FHIT: variants seen among roughly 807,000 people sequenced by gnomAD.
FHIT encodes the protein fragile histidine triad diadenosine triphosphatase.
Under a neutral mutation model 17.9 loss-of-function variants are expected in FHIT, and 19 were observed. The observed-to-expected ratio is 1.06, with a 90% CI of 0.74 to 1.56. The LOEUF is 1.56. FHIT is among the 40% of genes most tolerant of loss of function. The pLI is 0.00. For synonymous variants in FHIT, 81 were observed against 69.7 expected, an observed-to-expected ratio of 1.16 and a Z score of -0.81; for missense variants, 248 against 189.2, an observed-to-expected ratio of 1.31 and a Z score of -1.82.
rs1206554192 is a variant in FHIT at position 59,749,396 on chromosome 3, G to GTCTAGGTATT, written c.*179_*188dup. On this transcript the variant is annotated 3_prime_UTR_variant, in exon 10 of 10. Coordinates refer to ENST00000492590, the MANE Select transcript of FHIT (RefSeq NM_002012.4). Reference sequence around the variant, plus strand: ...AAATCTGCCTGTCTGAGCCGTTTAGGTCTAGGTATTTTAAGGGAGTTGGAG... The same window carrying GTCTAGGTATT: ...AAATCTGCCTGTCTGAGCCGTTTAGGTCTAGGTATTTCTAGGTATTTTAAGGGAGTTGGAG... The GTCTAGGTATT allele has an allele frequency of 8.6e-6, 2 of 231,580 alleles. No individual in the cohort carries two copies. The highest frequency in any genetic ancestry group is 1.7e-5 in the Non-Finnish European group (2 of 117,200). 14.3% of individuals were successfully genotyped at this position (231,580 alleles called of 1,614,324 possible).
chr3:61,082,895 C>A (rs952152817), intron 2 of FHIT, among the ~76,000 whole-genome samples: 8 of 152,166 alleles, frequency 5.3e-5, no homozygotes, highest in Admixed American at 3.3e-4. Context: ...AAGTACTAAT[C>A]AGGCCCATCC....
chr3:60,535,616 A>C (rs2035953739), intron 5 of FHIT, among the ~76,000 whole-genome samples: 1 of 151,972 alleles, frequency 6.6e-6, no homozygotes, highest in Non-Finnish European at 1.5e-5. Context: ...AGAAGAAAAT[A>C]GTTTTCTAAT....
intron 5 of FHIT, among the ~76,000 whole-genome samples, chr3:60,184,815 T>C (rs1275793547): frequency 6.6e-6 from 1 of 152,196 alleles, no homozygotes; most frequent in East Asian, 1.9e-4. Flanking sequence ...TATTCAATCA[T>C]TTATTTCCAT....
rs553397194 is a variant in FHIT, at chr3:60,486,017, G to C, written c.103+50843C>G. 3.3e-5 allele frequency among the ~76,000 whole-genome samples: 5 copies of C among 152,160 alleles called. No homozygotes were observed. In the South Asian group the frequency reaches 1.0e-3, roughly 32 times the overall value. On this transcript the variant is annotated intron_variant, in intron 5 of 9. Coordinates refer to ENST00000492590, the MANE Select transcript of FHIT (RefSeq NM_002012.4). ...ATAGTCATTTGTCTAAGACTATATT[G>C]ATCAGCATGAAGTGGCACATTATAG...
At chr3:60,348,387 AT>A (rs1000743755) in intron 5 of FHIT, among the ~76,000 whole-genome samples, 38 of 148,294 alleles carry the variant, frequency 2.6e-4, no homozygotes, top group African/African-American at 8.4e-4. Flanking sequence ...GCAGTGTCAA[AT>A]TTTTTTTAAC....
chr3:60,184,166 G>A (rs2107449585), intron 5 of FHIT, among the ~76,000 whole-genome samples: 1 of 151,652 alleles, frequency 6.6e-6, no homozygotes, highest in Admixed American at 6.6e-5. Flanking sequence ...TTATTTTTTG[G>A]TAGAGACCAA....
At chr3:61,143,849 G>A (rs181252991) in intron 2 of FHIT, among the ~76,000 whole-genome samples, 204 of 152,262 alleles carry the variant, frequency 1.3e-3, no homozygotes, top group Non-Finnish European at 2.5e-3. Context: ...TTGGGTGACA[G>A]AGCAAGACTC....
chr3:60,920,048 A>G (rs1056792164), intron 3 of FHIT, among the ~76,000 whole-genome samples: 4 of 152,060 alleles, frequency 2.6e-5, no homozygotes, highest in African/African-American at 9.7e-5. Flanking sequence ...AAAAAAAAAA[A>G]GAGTGCATAT....
At chr3:60,677,001 A>G (rs1042448489) in intron 4 of FHIT, among the ~76,000 whole-genome samples, 9 of 152,140 alleles carry the variant, frequency 5.9e-5, no homozygotes, top group East Asian at 1.9e-4. Context: ...GAGCCTCCAT[A>G]GTAGCTGGGA....
chr3:59,949,984 A>G (rs1165931921), intron 7 of FHIT, among the ~76,000 whole-genome samples: 1 of 152,210 alleles, frequency 6.6e-6, no homozygotes, highest in Non-Finnish European at 1.5e-5. Context: ...ATCTCTAATG[A>G]GGACCAGGCC....
At chr3:60,009,098 CA>C (rs1266654042) in intron 7 of FHIT, among the ~76,000 whole-genome samples, 1 of 150,044 alleles carries the variant, frequency 6.7e-6, no homozygotes, top group African/African-American at 2.5e-5. Context: ...GCAGATTCAA[CA>C]ACTTTAGATA....
chr3:60,793,277 G>A (rs921137347), intron 4 of FHIT, among the ~76,000 whole-genome samples: 1 of 151,974 alleles, frequency 6.6e-6, no homozygotes, highest in East Asian at 1.9e-4. Context: ...ATGCTGAGAA[G>A]ACCATGAACA....
intron 4 of FHIT, among the ~76,000 whole-genome samples, chr3:60,735,832 T>C (rs1382381539): frequency 6.6e-6 from 1 of 152,222 alleles, no homozygotes; most frequent in Non-Finnish European, 1.5e-5. Context: ...AAATCACTTA[T>C]AGCTTATTTT....
chr3:60,955,618 A>ACATATATATATATACATG (rs1559862381), intron 3 of FHIT, among the ~76,000 whole-genome samples: 275 of 14,506 alleles, frequency 0.019, 17 homozygotes, highest in Non-Finnish European at 0.045. Flanking sequence ...ATATATATAT[A>ACATATATATATATACATG]TATATATATA....
At chr3:60,381,581 A>T (rs1470420037) in intron 5 of FHIT, among the ~76,000 whole-genome samples, 1 of 152,212 alleles carries the variant, frequency 6.6e-6, no homozygotes, top group African/African-American at 2.4e-5. Context: ...TATTTCAAAG[A>T]ACAGGAAAGA....
At chr3:60,083,917 TGCTATAGTGCTATTAA>T (rs1349650426) in intron 5 of FHIT, among the ~76,000 whole-genome samples, 1 of 152,226 alleles carries the variant, frequency 6.6e-6, no homozygotes, top group Non-Finnish European at 1.5e-5. Context: ...GGCCATGCTC[TGCTATAGTGCTATTAA>T]GCTATTGCCT....
intron 5 of FHIT, among the ~76,000 whole-genome samples, chr3:60,204,833 T>C (rs1009104893): frequency 5.9e-5 from 9 of 152,154 alleles, no homozygotes; most frequent in Non-Finnish European, 1.2e-4. Context: ...ACAATACCTA[T>C]CAATATTTAA....
intron 8 of FHIT, among the ~76,000 whole-genome samples, chr3:59,782,069 G>C (rs938100357): frequency 6.6e-6 from 1 of 152,182 alleles, no homozygotes; most frequent in Non-Finnish European, 1.5e-5. Flanking sequence ...CCAATTTATA[G>C]TGAAGAACAG....
At chr3:60,104,658 A>C (rs1351702293) in intron 5 of FHIT, among the ~76,000 whole-genome samples, 2 of 152,132 alleles carry the variant, frequency 1.3e-5, no homozygotes, top group African/African-American at 4.8e-5. Context: ...GCAAAATTCA[A>C]TTAATGGCCT....
Sources: gnomAD v4.1 joint callset for allele counts (sites outside exome capture counted in the v4.1 genomes callset) on GRCh38, gnomAD v4.1.1 for gene constraint, MANE v1.5 for transcripts, NCBI Gene and HGNC (gene_info 2026-07-23, HGNC 2026-07-21) for gene names.